The following COMMD9 variants were observed in gnomAD, a reference collection of about 807,000 sequenced individuals.
The protein encoded by COMMD9 is COMM domain containing 9.
In COMMD9, 22 loss-of-function variants were observed where a neutral mutation model predicts 23.4. The observed-to-expected ratio is 0.94, with a 90% CI of 0.67 to 1.34. COMMD9 has a LOEUF of 1.34. Ranked by LOEUF, COMMD9 falls within the 40% of genes most tolerant of loss-of-function variation. COMMD9 has a pLI of 0.00. For missense variants in COMMD9, 231 were observed against 240.2 expected (o/e 0.96, Z 0.25); for synonymous variants, 99 against 97.4 (o/e 1.02, Z -0.10).
chr11:36,278,587 C>G lies in COMMD9; in HGVS notation c.207G>C (p.Arg69Ser). 6.2e-7 allele frequency: 1 copy of G among 1,614,124 alleles called. No individual in the cohort carries two copies. The highest frequency in any genetic ancestry group is 8.5e-7 in the Non-Finnish European group (1 of 1,179,998). The stretch of plus-strand genomic sequence containing the variant: ...AGGACAGGTCACGGAATGCCACCAG[C>G]CTAGTGAGGCGGTGCAGAGCCTGGA... ...ELLQALHRLT[R>S]LVAFRDLSSA... The change falls in exon 3 of 6, where the codon AGG becomes AGC. Residue 69 changes from arginine (R) to serine (S), a missense_variant. Physicochemically the swap from Arg to Ser is moderately radical, Grantham distance 110. Transcript: ENST00000263401.
At chr11:36,283,357 C>CA (rs762353084) in intron 1 of COMMD9, among the ~76,000 whole-genome samples, 3 of 151,956 alleles carry the variant, frequency 2.0e-5, no homozygotes, top group Non-Finnish European at 2.9e-5. Context: ...AAGGCTGAAG[C>CA]AAAAAATATA....
At chr11:36,275,597 C>A (rs945917114) in intron 5 of COMMD9, among the ~76,000 whole-genome samples, 1 of 152,140 alleles carries the variant, frequency 6.6e-6, no homozygotes, top group African/African-American at 2.4e-5. Flanking sequence ...GAGCCCGCCA[C>A]CACGCCCGGC....
rs1218968156 is a variant in COMMD9 at position 36,273,420 on chromosome 11, A to G, written c.*1212T>C. Reference sequence around the variant, plus strand: ...GATGATCTCATTTGGTTAAACTCGAAGGAGTGCCTTCATCATAGCTCTTGT... The same window carrying G: ...GATGATCTCATTTGGTTAAACTCGAGGGAGTGCCTTCATCATAGCTCTTGT... On this transcript the variant is annotated 3_prime_UTR_variant, in exon 6 of 6. Coordinates refer to ENST00000263401, the MANE Select transcript of COMMD9 (RefSeq NM_014186.4). 1 of 152,246 alleles carries G rather than the reference A, an allele frequency of 6.6e-6. No homozygotes were observed. Among genetic ancestry groups the G allele is most frequent in the African/African-American group, 2.4e-5 (1 of 41,458 alleles). The allele number at this position is 152,246 out of a possible 1,614,324, so 9.4% of individuals were successfully genotyped here.
At chr11:36,276,978 G>GACTA in intron 4 of COMMD9, 111 bp downstream of exon 4, 1 of 882,078 alleles carries the variant, frequency 1.1e-6, no homozygotes, top group Non-Finnish European at 1.7e-6. Context: ...TATGGGTTGA[G>GACTA]ACTAGAATGG....
rs571468216 is a variant in COMMD9, at chr11:36,276,877, C to T, written c.352+212G>A. On this transcript the variant is annotated intron_variant, in intron 4 of 5. Coordinates refer to ENST00000263401, the MANE Select transcript of COMMD9 (RefSeq NM_014186.4). ...ACTTCACTTTCTGCTTTGGATATTT[C>T]TGTTTTTTAACAACATGCCTATATA... 333 of 389,686 alleles carry T rather than the reference C, an allele frequency of 8.5e-4. 3 individuals carry two copies. Among genetic ancestry groups the T allele is most frequent in the African/African-American group, 6.5e-3 (314 of 48,266 alleles). 24.1% of individuals were successfully genotyped at this position (389,686 alleles called of 1,614,324 possible).
intron 1 of COMMD9, among the ~76,000 whole-genome samples, chr11:36,285,085 A>T (rs1346820594): frequency 6.6e-6 from 1 of 152,180 alleles, no homozygotes; most frequent in Non-Finnish European, 1.5e-5. Flanking sequence ...TGGTTCTTTG[A>T]CAATGTCAAT....
chr11:36,278,406 C>T, intron 3 of COMMD9, 71 bp downstream of exon 3: 1 of 1,427,788 alleles, frequency 7.0e-7, no homozygotes, highest in Non-Finnish European at 9.8e-7. Context: ...CATATTACTA[C>T]TTCTAGAATG....
rs1304403850 is a variant in COMMD9, at chr11:36,274,659, G to A, written c.570C>T (p.Asp190=). 6.2e-7 allele frequency: 1 copy of A among 1,614,152 alleles called. No homozygotes were observed. Among genetic ancestry groups the A allele is most frequent in the African/African-American group, 1.3e-5 (1 of 74,950 alleles). Residue 190 remains aspartate (D), a synonymous_variant, in exon 6 of 6, where the codon GAC becomes GAT. Transcript: ENST00000263401. Reference sequence around the variant, plus strand: ...ATTTACTGGCCACGGCAGAGAGTTGGTCTCGGATGCGGCCCAGGCCATCTA... The same window carrying A: ...ATTTACTGGCCACGGCAGAGAGTTGATCTCGGATGCGGCCCAGGCCATCTA... ...TMLDGLGRIR[D]QLSAVASK
chr11:36,277,644 A>G (rs1855996464), intron 3 of COMMD9, among the ~76,000 whole-genome samples: 1 of 152,250 alleles, frequency 6.6e-6, no homozygotes, highest in Admixed American at 6.5e-5. Context: ...GCCTTCTGCT[A>G]ACCAATAGTT....
rs1298773949 is a variant in COMMD9 at position 36,280,590 on chromosome 11, A to C, written c.177+122T>G. 6.3e-6 allele frequency: 6 copies of C among 951,300 alleles called. No homozygotes were observed. In the East Asian group the frequency reaches 1.6e-4, roughly 25 times the overall value. 58.9% of individuals were successfully genotyped at this position (951,300 alleles called of 1,614,324 possible). A position where few individuals can be genotyped will look rare whatever the true frequency, so the allele number is the denominator to read the frequency against. On this transcript the variant is annotated intron_variant, in intron 2 of 5. Coordinates refer to ENST00000263401, the MANE Select transcript of COMMD9 (RefSeq NM_014186.4). ...CTCCCATTCATGTCCCATTTATAAA[A>C]GTTTGCTACAGTGTCAACAGATGTT...
chr11:36,278,680 G>A lies in COMMD9; in HGVS notation c.178-64C>T, dbSNP rs2305168. 0.015 allele frequency: 23,292 copies of A among 1,560,696 alleles called. 1,241 individuals are homozygous for A. The East Asian group carries it at 0.17, about 11-fold the overall frequency. ...GCAGCAGGCAGGGGGCACAAGGCAG[G>A]GCCAGGGGCAGGGCTCTACACCCCG... On this transcript the variant is annotated intron_variant, in intron 2 of 5. Coordinates refer to ENST00000263401, the MANE Select transcript of COMMD9 (RefSeq NM_014186.4).
At chr11:36,275,549 T>A (rs1278614150) in intron 5 of COMMD9, among the ~76,000 whole-genome samples, 1 of 152,006 alleles carries the variant, frequency 6.6e-6, no homozygotes, top group African/African-American at 2.4e-5. Context: ...GTTCAAGCGA[T>A]TCTCCTCCCT....
chr11:36,286,439 G>A (rs1462116773), intron 1 of COMMD9, among the ~76,000 whole-genome samples: 16 of 125,800 alleles, frequency 1.3e-4, no homozygotes, highest in African/African-American at 2.6e-4. Context: ...AGAAAGAAAA[G>A]AAAAAAAAAA....
chr11:36,289,370 G>A lies in COMMD9; in HGVS notation c.43C>T (p.Leu15=). 2 of 1,551,832 alleles carry A rather than the reference G, an allele frequency of 1.3e-6. No homozygotes were observed. The highest frequency in any genetic ancestry group is 1.7e-6 in the Non-Finnish European group (2 of 1,147,050). The part of the protein sequence containing the change: ...TAEHFAALQS[L]LKASSKDVVR... Reference sequence around the variant, plus strand: ...CCACCCCTTCGACTTACCTTGAGCAGGCTCTGGAGTGCTGCAAAATGCTCC... The same window carrying A: ...CCACCCCTTCGACTTACCTTGAGCAAGCTCTGGAGTGCTGCAAAATGCTCC... Residue 15 remains leucine, a synonymous_variant, in exon 1 of 6, where the codon CTG becomes TTG. Coordinates refer to ENST00000263401, the MANE Select transcript of COMMD9 (RefSeq NM_014186.4).
At position 36,273,964 on chromosome 11, in the gene COMMD9, T is replaced by G; in HGVS notation, c.*668A>C. On this transcript the variant is annotated 3_prime_UTR_variant, in exon 6 of 6. Transcript: ENST00000263401. ...AAAGAAGCTACAAAAATCATGGAAGTTTTAGAACTGTTGTTTAGTTCCAAT... is the reference window on the plus strand; with the variant it reads ...AAAGAAGCTACAAAAATCATGGAAGGTTTAGAACTGTTGTTTAGTTCCAAT... 2 of 187,186 alleles carry G rather than the reference T, an allele frequency of 1.1e-5. No homozygotes were observed. Among genetic ancestry groups the G allele is most frequent in the Non-Finnish European group, 1.1e-5 (1 of 87,586 alleles). 11.6% of individuals were successfully genotyped at this position (187,186 alleles called of 1,614,324 possible).
At chr11:36,283,000 T>A (rs1249867193) in intron 1 of COMMD9, among the ~76,000 whole-genome samples, 1 of 152,002 alleles carries the variant, frequency 6.6e-6, no homozygotes, top group Non-Finnish European at 1.5e-5. Context: ...TGTCCAAGGG[T>A]AAGAGGAGAA....
At chr11:36,277,056 T>A in intron 4 of COMMD9, 33 bp downstream of exon 4, 1 of 1,583,938 alleles carries the variant, frequency 6.3e-7, no homozygotes, top group Non-Finnish European at 8.6e-7. Flanking sequence ...GGGAGACAAG[T>A]AAGAAGGGAG....
chr11:36,280,373 T>A (rs1029592957), intron 2 of COMMD9, among the ~76,000 whole-genome samples: 1 of 152,204 alleles, frequency 6.6e-6, no homozygotes, highest in Non-Finnish European at 1.5e-5. Context: ...CTCCTGAATC[T>A]TATGCAGGCC....
chr11:36,287,074 C>CAT lies in COMMD9; in HGVS notation c.51+2287_51+2288insAT, dbSNP rs1856172176. 7.2e-5 allele frequency among the ~76,000 whole-genome samples: 4 copies of CAT among 55,762 alleles called. 2 individuals are homozygous for CAT. Among genetic ancestry groups the CAT allele is most frequent in the Non-Finnish European group, 1.7e-4 (4 of 22,872 alleles). 36.6% of individuals were successfully genotyped at this position (55,762 alleles called of 152,430 possible). ...TGTATACTACATACTATGTATATCG[C>CAT]GTAGTATGTATACTACATACTATGT... On this transcript the variant is annotated intron_variant, in intron 1 of 5. Transcript: ENST00000263401.
Sources: allele counts gnomAD v4.1 joint callset (sites outside exome capture counted in the v4.1 genomes callset), GRCh38; gene constraint gnomAD v4.1.1; transcripts MANE v1.5; gene names NCBI Gene and HGNC (gene_info 2026-07-23, HGNC 2026-07-21).